Variants in FYB1 observed in about 807,000 individuals in gnomAD.
The protein encoded by FYB1 is FYN-binding protein 1.
Under a neutral mutation model 94.1 loss-of-function variants are expected in FYB1, and 41 were observed. The ratio of observed to expected loss-of-function variants is 0.44; its 90% confidence interval spans 0.34 to 0.57. The LOEUF is 0.57. FYB1 is among the 20% of genes least tolerant of loss of function. The pLI is 0.02. For synonymous variants in FYB1, 367 were observed against 353.2 expected (o/e 1.04, Z -0.44); for missense variants, 1,050 against 976.8 (o/e 1.07, Z -1.00).
At chr5:39,228,886 A>G (rs1441819540) in intron 1 of FYB1, among the ~76,000 whole-genome samples, 1 of 152,150 alleles carries the variant, frequency 6.6e-6, no homozygotes, top group Non-Finnish European at 1.5e-5. Context: ...ATTACAGTTG[A>G]TGACCCCTTT....
intron 1 of FYB1, among the ~76,000 whole-genome samples, chr5:39,237,263 G>A (rs928087518): frequency 1.3e-5 from 2 of 152,058 alleles, no homozygotes; most frequent in East Asian, 1.9e-4. Flanking sequence ...GGCAGTTAGG[G>A]GGATGTTACA....
At chr5:39,175,173 A>G (rs1745608553) in intron 2 of FYB1, among the ~76,000 whole-genome samples, 1 of 152,162 alleles carries the variant, frequency 6.6e-6, no homozygotes, top group Non-Finnish European at 1.5e-5. Context: ...AAGAGAACAG[A>G]ATGGAGATCC....
chr5:39,209,895 C>G (rs1424557172), intron 1 of FYB1, among the ~76,000 whole-genome samples: 1 of 152,200 alleles, frequency 6.6e-6, no homozygotes, highest in African/African-American at 2.4e-5. Context: ...CTTTGTTGAC[C>G]TGCAGTTGTG....
chr5:39,172,165 G>T (rs1745307376), intron 2 of FYB1, among the ~76,000 whole-genome samples: 1 of 152,138 alleles, frequency 6.6e-6, no homozygotes, highest in African/African-American at 2.4e-5. Context: ...AATAATTTTG[G>T]CCGGGTGTGG....
chr5:39,260,898 T>C (rs1752181562), intron 1 of FYB1, among the ~76,000 whole-genome samples: 2 of 152,030 alleles, frequency 1.3e-5, no homozygotes, highest in South Asian at 4.1e-4. Context: ...CTTTGGCCAA[T>C]TAAGTGTAAA....
At chr5:39,112,903 C>T (rs1054169999) in intron 16 of FYB1, among the ~76,000 whole-genome samples, 1 of 152,008 alleles carries the variant, frequency 6.6e-6, no homozygotes, top group African/African-American at 2.4e-5. Flanking sequence ...ATAATTGGGA[C>T]TATTATTTAA....
intron 2 of FYB1, among the ~76,000 whole-genome samples, chr5:39,178,337 C>T (rs752306360): frequency 1.3e-5 from 2 of 152,160 alleles, no homozygotes; most frequent in Non-Finnish European, 2.9e-5. Flanking sequence ...GTAGATGAGT[C>T]ATGATGAGAT....
chr5:39,143,156 C>T (rs897708760), intron 3 of FYB1, among the ~76,000 whole-genome samples: 4 of 152,064 alleles, frequency 2.6e-5, no homozygotes, highest in East Asian at 1.9e-4. Context: ...TCTGAGATTC[C>T]GATTCAAATA....
intron 2 of FYB1, among the ~76,000 whole-genome samples, chr5:39,183,206 G>A (rs993093281): frequency 2.0e-5 from 3 of 152,084 alleles, no homozygotes; most frequent in South Asian, 2.1e-4. Context: ...GGCTGGTCTC[G>A]AACTCCCAAC....
chr5:39,172,502 G>A (rs1714847073), intron 2 of FYB1, among the ~76,000 whole-genome samples: 1 of 152,104 alleles, frequency 6.6e-6, no homozygotes, highest in Non-Finnish European at 1.5e-5. Context: ...ACACATGCAG[G>A]TTTGTTACAT....
chr5:39,216,386 CTTTTG>C (rs1206336802), intron 1 of FYB1, among the ~76,000 whole-genome samples: 1 of 152,078 alleles, frequency 6.6e-6, no homozygotes, highest in Non-Finnish European at 1.5e-5. Context: ...TTTGTTCACT[CTTTTG>C]TTTATTTGTT....
intron 3 of FYB1, among the ~76,000 whole-genome samples, chr5:39,143,552 A>G (rs1742376133): frequency 6.7e-6 from 1 of 150,178 alleles, no homozygotes; most frequent in Non-Finnish European, 1.5e-5. Flanking sequence ...AACTTTTGCC[A>G]TCTTTCTAAC....
intron 1 of FYB1, among the ~76,000 whole-genome samples, chr5:39,236,801 T>C (rs1475748202): frequency 1.3e-5 from 2 of 152,152 alleles, no homozygotes; most frequent in Non-Finnish European, 2.9e-5. Flanking sequence ...AGCCAGTTTT[T>C]ATCCTTGGCC....
At chr5:39,166,721 C>T (rs1039345024) in intron 2 of FYB1, among the ~76,000 whole-genome samples, 2 of 151,962 alleles carry the variant, frequency 1.3e-5, no homozygotes, top group African/African-American at 2.4e-5. Context: ...CAAAAAGCAC[C>T]TGTTCTCACT....
chr5:39,221,464 T>C (rs1010358200), upstream of FYB1, among the ~76,000 whole-genome samples: 1 of 152,196 alleles, frequency 6.6e-6, no homozygotes, highest in Admixed American at 6.5e-5. Flanking sequence ...ACTATAGAGA[T>C]AGACACTGTA....
intron 3 of FYB1, among the ~76,000 whole-genome samples, chr5:39,151,726 A>G (rs1334102690): frequency 6.6e-6 from 1 of 152,244 alleles, no homozygotes; most frequent in Non-Finnish European, 1.5e-5. Context: ...ATGACTGTAA[A>G]GGAAATCTAT....
At chr5:39,242,822 G>T (rs958872627) in intron 1 of FYB1, among the ~76,000 whole-genome samples, 1 of 152,028 alleles carries the variant, frequency 6.6e-6, no homozygotes, top group Non-Finnish European at 1.5e-5. Context: ...ACTTTTTAAT[G>T]ATCGCCATCC....
At chr5:39,219,576 T>C (rs1750135843), upstream of FYB1, 1 of 985,358 alleles carries the variant, frequency 1.0e-6, no homozygotes, top group Admixed American at 6.1e-5. Flanking sequence ...AGCTTTCTGA[T>C]GCCTGGCAGG....
At chr5:39,212,059 A>C (rs946745753) in intron 1 of FYB1, among the ~76,000 whole-genome samples, 1 of 152,194 alleles carries the variant, frequency 6.6e-6, no homozygotes, top group Admixed American at 6.5e-5. Context: ...TAATCCCAGC[A>C]ATTGGAGAAG....
Sources: allele counts gnomAD v4.1 joint callset (sites outside exome capture counted in the v4.1 genomes callset), GRCh38; gene constraint gnomAD v4.1.1; transcripts MANE v1.5; gene names NCBI Gene and HGNC (gene_info 2026-07-23, HGNC 2026-07-21).